The following CREB3L3 variants were observed in gnomAD, a reference collection of about 807,000 sequenced individuals.
CREB3L3 encodes cyclic AMP-responsive element-binding protein 3-like protein 3.
A neutral mutation model predicts 44.6 loss-of-function variants in CREB3L3; 40 were observed. The ratio of observed to expected loss-of-function variants is 0.90; its 90% CI spans 0.70 to 1.17. The LOEUF is 1.17. Among genes scored for constraint, CREB3L3 ranks in the 50% most tolerant of loss-of-function variants. CREB3L3 has a pLI of 0.00. For missense variants in CREB3L3, 578 were observed against 595.8 expected, an observed-to-expected ratio of 0.97 and a Z score of 0.31; for synonymous variants, 273 against 256.3, an observed-to-expected ratio of 1.06 and a Z score of -0.62.
At chr19:4,156,510 T>C (rs1331359861) in intron 2 of CREB3L3, among the ~76,000 whole-genome samples, 4 of 148,098 alleles carry the variant, frequency 2.7e-5, no homozygotes, top group Non-Finnish European at 6.0e-5. Context: ...TTTTTTCTTT[T>C]TTTTTTTTTT....
At chr19:4,165,583 T>C (rs2145134134) in intron 5 of CREB3L3, among the ~76,000 whole-genome samples, 1 of 152,158 alleles carries the variant, frequency 6.6e-6, no homozygotes, top group Admixed American at 6.6e-5. Flanking sequence ...GACTTGAGGC[T>C]GGGCACGGTG....
At position 4,166,881 on chromosome 19, in the gene CREB3L3, G is replaced by A. The variant is rs1966917530; in HGVS notation, c.715-1470G>A. On this transcript the variant is annotated intron_variant, in intron 5 of 9. Transcript: ENST00000078445. ...CTATAGGCATGCACCACCACACCCA[G>A]CTGATTTTGTGGTTGTTGTTTTGTT... Among the ~76,000 whole-genome samples, 3 of 152,124 alleles carry A rather than the reference G, an allele frequency of 2.0e-5. No homozygotes were observed. In the South Asian group the frequency reaches 6.2e-4, roughly 32 times the overall value.
intron 4 of CREB3L3, among the ~76,000 whole-genome samples, chr19:4,164,088 C>T (rs1034284464): frequency 2.0e-5 from 3 of 151,382 alleles, no homozygotes; most frequent in African/African-American, 7.3e-5. Context: ...ATTCTCCTGC[C>T]TCAGCCTCGC....
Position 4,159,740 on chromosome 19 carries a change from C to T in CREB3L3, c.534C>T (p.Leu178=), listed in dbSNP as rs369320500. 80 of 1,591,182 alleles carry T rather than the reference C, an allele frequency of 5.0e-5. No homozygotes were observed. The highest frequency in any genetic ancestry group is 2.2e-4 in the Admixed American group (13 of 59,948). The change falls in exon 4 of 10, where the codon CTC becomes CTT. Residue 178 remains leucine, a synonymous_variant. Coordinates refer to ENST00000078445, the MANE Select transcript of CREB3L3 (RefSeq NM_032607.3). ...DPVDLSPRCN[L]TVKDLLLSGS... Reference sequence around the variant, plus strand: ...TGGACCTGTCCCCACGATGCAATCTCACCGTGAAAGACCTCCTCCTTTCGG... The same window carrying T: ...TGGACCTGTCCCCACGATGCAATCTTACCGTGAAAGACCTCCTCCTTTCGG...
chr19:4,167,973 T>TTTTTTTTATTTATTTA (rs1555704043), intron 5 of CREB3L3, among the ~76,000 whole-genome samples: 1 of 144,848 alleles, frequency 6.9e-6, no homozygotes, highest in African/African-American at 2.6e-5. Flanking sequence ...ATTTTAATTA[T>TTTTTTTTATTTATTTA]TTTATTTATT....
At chr19:4,164,687 C>T in intron 5 of CREB3L3, 47 bp downstream of exon 5, 1 of 1,602,624 alleles carries the variant, frequency 6.2e-7, no homozygotes. Context: ...CCCCTTCGTG[C>T]ACTTACCTGC....
In CREB3L3 at chr19:4,170,415, G is replaced by A. The variant is rs546612027; in HGVS notation, c.890+207G>A. ...ACCTGAGGTCAGGAGTTCAAAACCA[G>A]CCTGGCCAACATGGTGAAACCCCGT... On this transcript the variant is annotated intron_variant, in intron 7 of 9. Coordinates refer to ENST00000078445, the MANE Select transcript of CREB3L3 (RefSeq NM_032607.3). 5.9e-5 allele frequency among the ~76,000 whole-genome samples: 9 copies of A among 151,872 alleles called. No homozygotes were observed. In the East Asian group the frequency reaches 1.4e-3, roughly 23 times the overall value.
chr19:4,153,963 C>A (rs962614419), intron 1 of CREB3L3, among the ~76,000 whole-genome samples, 189 bp downstream of exon 1: 3 of 152,150 alleles, frequency 2.0e-5, no homozygotes, highest in Admixed American at 6.5e-5. Flanking sequence ...TCTTCCAGGT[C>A]CCCCTGCCTC....
chr19:4,163,351 A>AGAAAGAAG lies in CREB3L3; in HGVS notation c.577-1149_577-1148insAGAAGGAA, dbSNP rs535753131. ...AGAAAAGAAAGAAAGAAAGAAAGAAAGAAGGAAGGAAGGAAGGAAGGAAAG... is the reference window on the plus strand; with the variant it reads ...AGAAAAGAAAGAAAGAAAGAAAGAAAGAAAGAAGGAAGGAAGGAAGGAAGGAAGGAAAG... On this transcript the variant is annotated intron_variant, in intron 4 of 9. Coordinates refer to ENST00000078445, the MANE Select transcript of CREB3L3 (RefSeq NM_032607.3). Among the ~76,000 whole-genome samples the AGAAAGAAG allele has an allele frequency of 3.7e-3, 430 of 117,258 alleles. 5 individuals are homozygous for AGAAAGAAG. The highest frequency in any genetic ancestry group is 0.013 in the African/African-American group (389 of 30,676). 76.9% of individuals were successfully genotyped at this position (117,258 alleles called of 152,430 possible).
chr19:4,166,853 G>C (rs569760824), intron 5 of CREB3L3, among the ~76,000 whole-genome samples: 1 of 152,070 alleles, frequency 6.6e-6, no homozygotes, highest in South Asian at 2.1e-4. Context: ...CAAGTAGCTG[G>C]GACTATAGGC....
At chr19:4,169,848 C>A (rs545467637) in intron 6 of CREB3L3, among the ~76,000 whole-genome samples, 1 of 152,180 alleles carries the variant, frequency 6.6e-6, no homozygotes, top group South Asian at 2.1e-4. Context: ...ATCCGCCCAC[C>A]ACGGCCTCCC....
At chr19:4,168,757 G>C (rs1212206878) in intron 6 of CREB3L3, among the ~76,000 whole-genome samples, 1 of 151,886 alleles carries the variant, frequency 6.6e-6, no homozygotes, top group Non-Finnish European at 1.5e-5. Context: ...TGTGTGGAAG[G>C]GTCTCCTTCT....
chr19:4,156,261 T>A (rs1157015533), intron 2 of CREB3L3, among the ~76,000 whole-genome samples: 1 of 149,822 alleles, frequency 6.7e-6, no homozygotes, highest in Non-Finnish European at 1.5e-5. Flanking sequence ...GATCTTGGCA[T>A]ACCGCAACCC....
At chr19:4,155,750 TC>T (rs1257943327) in intron 2 of CREB3L3, among the ~76,000 whole-genome samples, 3 of 55,696 alleles carry the variant, frequency 5.4e-5, no homozygotes, top group Non-Finnish European at 9.0e-5. Context: ...TCTTTTACTC[TC>T]TTTTTTTTTT....
Position 4,157,109 on chromosome 19 carries a change from G to A in CREB3L3, c.271G>A (p.Glu91Lys), listed in dbSNP as rs1215881812. 3.1e-6 allele frequency: 5 copies of A among 1,613,882 alleles called. No individual in the cohort carries two copies. Among genetic ancestry groups the A allele is most frequent in the Middle Eastern group, 1.6e-4 (1 of 6,062 alleles). ...SPEGSDSGIS[E>K]DLPSDPQDTP... Reference sequence around the variant, plus strand: ...CGAAGGCAGTGATAGTGGCATCTCCGAAGACCTCCCCTCCGACCCCCAGGA... The same window carrying A: ...CGAAGGCAGTGATAGTGGCATCTCCAAAGACCTCCCCTCCGACCCCCAGGA... The change falls in exon 3 of 10, where the codon GAA (glutamate) becomes AAA (lysine). Residue 91 changes from glutamate to lysine, a missense_variant. Coordinates refer to ENST00000078445, the MANE Select transcript of CREB3L3 (RefSeq NM_032607.3).
chr19:4,167,116 G>A (rs1359342745), intron 5 of CREB3L3, among the ~76,000 whole-genome samples: 1 of 152,078 alleles, frequency 6.6e-6, no homozygotes, highest in African/African-American at 2.4e-5. Context: ...GCAAAGATGG[G>A]CGGATCACCT....
At chr19:4,166,632 G>A (rs1470512961) in intron 5 of CREB3L3, among the ~76,000 whole-genome samples, 1 of 151,534 alleles carries the variant, frequency 6.6e-6, no homozygotes, top group Non-Finnish European at 1.5e-5. Context: ...CTGGCCTCAA[G>A]CAGTCCTCTG....
chr19:4,171,917 C>A lies in CREB3L3; in HGVS notation c.1334C>A (p.Pro445Gln). 1 of 1,611,644 alleles carries A rather than the reference C, an allele frequency of 6.2e-7. No individual in the cohort carries two copies. The highest frequency in any genetic ancestry group is 1.7e-4 in the Middle Eastern group (1 of 6,036). Residue 445 changes from proline to glutamine, a missense_variant, in exon 10 of 10, where the codon CCG becomes CAG. Physicochemically the swap from Pro to Gln is moderately conservative, Grantham distance 76 (BLOSUM62 -1). Coordinates refer to ENST00000078445, the MANE Select transcript of CREB3L3 (RefSeq NM_032607.3). This position sits in a 1 kb window ranked among gnomAD's most constrained non-coding sequence, Gnocchi z 4.9. Reference sequence around the variant, plus strand: ...CTGCTGGACTGGGTGGCGCCTGGGCCGAGCACTGGCTCAGGACGTGCAGGG... The same window carrying A: ...CTGCTGGACTGGGTGGCGCCTGGGCAGAGCACTGGCTCAGGACGTGCAGGG... ...VALLDWVAPGPSTGSGRAGLE... is the reference protein window; with the variant it reads ...VALLDWVAPGQSTGSGRAGLE...
intron 4 of CREB3L3, 40 bp from the exon 5 acceptor site, chr19:4,164,463 G>C (rs368512004): frequency 6.2e-7 from 1 of 1,612,844 alleles, no homozygotes. Context: ...GGCAGTTGGC[G>C]TCCCTGCACC....
Sources: allele counts gnomAD v4.1 joint callset (sites outside exome capture counted in the v4.1 genomes callset), GRCh38; gene constraint gnomAD v4.1.1; non-coding constraint Gnocchi (gnomAD v3.1); transcripts MANE v1.5; gene names NCBI Gene and HGNC (gene_info 2026-07-23, HGNC 2026-07-21).